The following WDPCP variants were observed in gnomAD, a reference collection of about 807,000 sequenced individuals.
The protein encoded by WDPCP is WD repeat-containing and planar cell polarity effector protein fritz homolog.
Under a neutral mutation model 93.1 loss-of-function variants are expected in WDPCP, and 71 were observed. The ratio of observed to expected loss-of-function variants is 0.76; its 90% CI spans 0.63 to 0.93. The LOEUF (loss-of-function observed/expected upper bound fraction) is 0.93. Ranked by LOEUF, WDPCP falls within the 40% of genes least tolerant of loss-of-function variation. The pLI is 0.00. For missense variants in WDPCP, 844 were observed against 887.4 expected (o/e 0.95, Z 0.62); for synonymous variants, 315 against 315.0 (o/e 1.00, Z 0.00).
chr2:63,135,683 T>C (rs549020395), intron 17 of WDPCP, among the ~76,000 whole-genome samples: 10 of 152,164 alleles, frequency 6.6e-5, no homozygotes, highest in Non-Finnish European at 1.5e-4. Flanking sequence ...AACATAATCC[T>C]CTCTTTATGT....
At chr2:63,222,304 G>A (rs749773924) in intron 14 of WDPCP, among the ~76,000 whole-genome samples, 3 of 152,132 alleles carry the variant, frequency 2.0e-5, no homozygotes, top group Non-Finnish European at 4.4e-5. Context: ...TACTGTTTAA[G>A]TTTAGCTTCT....
Position 63,212,483 on chromosome 2 carries a change from G to A in WDPCP, c.1916-37651C>T, listed in dbSNP as rs531536229. Among the ~76,000 whole-genome samples the A allele has an allele frequency of 4.5e-4, 68 of 152,270 alleles. No individual in the cohort carries two copies. The South Asian group carries it at 0.013, about 28-fold the overall frequency. ...CTGAAGGAAGCACTAAACATGGAAA[G>A]GAAGAAATGGTACCAGCCACTGCAA... On this transcript the variant is annotated intron_variant, in intron 14 of 17. Coordinates refer to ENST00000272321, the MANE Select transcript of WDPCP (RefSeq NM_015910.7).
chr2:63,776,081 A>G (rs1670298380), intron 2 of WDPCP, among the ~76,000 whole-genome samples: 2 of 91,580 alleles, frequency 2.2e-5, no homozygotes, highest in Admixed American at 1.4e-4. Flanking sequence ...ACATATACAT[A>G]CATACATACA....
At chr2:63,572,040 A>G (rs1444520777) in intron 1 of WDPCP, among the ~76,000 whole-genome samples, 4 of 152,220 alleles carry the variant, frequency 2.6e-5, no homozygotes, top group African/African-American at 9.6e-5. Context: ...CAAAGAAATC[A>G]GGCAAATCAC....
chr2:63,224,823 CAT>C (rs1254923318), intron 14 of WDPCP, among the ~76,000 whole-genome samples: 1 of 151,864 alleles, frequency 6.6e-6, no homozygotes, highest in Non-Finnish European at 1.5e-5. Flanking sequence ...TGTCATTGTA[CAT>C]ATATTTGTCT....
chr2:63,356,888 A>G (rs1690053910), intron 12 of WDPCP, among the ~76,000 whole-genome samples: 1 of 152,240 alleles, frequency 6.6e-6, no homozygotes, highest in Non-Finnish European at 1.5e-5. Flanking sequence ...CTACAGGGCT[A>G]TAGTAACTAA....
At chr2:63,809,609 T>C (rs1670831019) in intron 2 of WDPCP, among the ~76,000 whole-genome samples, 2 of 152,156 alleles carry the variant, frequency 1.3e-5, no homozygotes, top group South Asian at 2.1e-4. Context: ...TCTGTGACCT[T>C]ACCCCCAACC....
chr2:63,455,337 T>C lies in WDPCP; in HGVS notation c.385-15466A>G, dbSNP rs147900216. Among the ~76,000 whole-genome samples, 592 of 151,816 alleles carry C rather than the reference T, an allele frequency of 3.9e-3. 4 individuals carry two copies. The highest frequency in any genetic ancestry group is 0.013 in the African/African-American group (555 of 41,462). ...ATTAGATTCTCCACTTAAAAAGATA[T>C]AGACTGTTTGAACAGATTTTTAAAA... On this transcript the variant is annotated intron_variant, in intron 6 of 17. Transcript: ENST00000272321.
At chr2:63,482,258 A>G (rs1362239644) in intron 6 of WDPCP, among the ~76,000 whole-genome samples, 1 of 152,058 alleles carries the variant, frequency 6.6e-6, no homozygotes, top group Non-Finnish European at 1.5e-5. Context: ...ATTTCTTGGG[A>G]GAAAATGACG....
chr2:63,218,632 C>T (rs1265367208), intron 14 of WDPCP, among the ~76,000 whole-genome samples: 11 of 152,030 alleles, frequency 7.2e-5, no homozygotes, highest in African/African-American at 1.9e-4. Flanking sequence ...CGGGTTCAAG[C>T]GATTCTCCTC....
In WDPCP at chr2:63,624,742, A is replaced by G. The variant is rs1013308373; in HGVS notation, n.488+25917T>C. 3.9e-5 allele frequency among the ~76,000 whole-genome samples: 6 copies of G among 152,252 alleles called. No individual in the cohort carries two copies. The East Asian group carries it at 1.2e-3, about 29-fold the overall frequency. ...CCAGATGGATTCACAGCCGAATTCT[A>G]CCAAAGGTACAAAGAGGAGCTGGTA... On this transcript the variant is annotated intron_variant and non_coding_transcript_variant, in intron 3 of 4. Transcript: ENST00000467687.
At chr2:63,489,528 T>C (rs889401753) in intron 2 of WDPCP, among the ~76,000 whole-genome samples, 1 of 151,972 alleles carries the variant, frequency 6.6e-6, no homozygotes, top group African/African-American at 2.4e-5. Context: ...CAAAGCTCCT[T>C]AGAAGAGTGA....
chr2:63,513,630 T>C (rs1321302384), intron 1 of WDPCP, among the ~76,000 whole-genome samples: 3 of 152,190 alleles, frequency 2.0e-5, no homozygotes, highest in Non-Finnish European at 4.4e-5. Context: ...CTAGAAAGGT[T>C]ACTATCTCCT....
At chr2:63,575,329 ATATATGGTATATACTG>A (rs1347073359) in intron 1 of WDPCP, among the ~76,000 whole-genome samples, 35 of 145,358 alleles carry the variant, frequency 2.4e-4, no homozygotes, top group Middle Eastern at 3.8e-3. Context: ...TATACACAGT[ATATATGGTATATACTG>A]TATATGGTAT....
intron 2 of WDPCP, among the ~76,000 whole-genome samples, chr2:63,776,113 A>G (rs919147687): frequency 1.4e-5 from 2 of 143,714 alleles, no homozygotes; most frequent in Non-Finnish European, 3.1e-5. Flanking sequence ...ATACATACAT[A>G]CATACACAAG....
chr2:63,228,859 T>A (rs1678560990), intron 14 of WDPCP: 3 of 152,174 alleles, frequency 2.0e-5, no homozygotes, highest in African/African-American at 7.2e-5. Flanking sequence ...TGGTTCCAAG[T>A]CTTAGCTATT....
chr2:63,606,849 T>A (rs1444414853), intron 3 of WDPCP: 1 of 1,592,152 alleles, frequency 6.3e-7, no homozygotes, highest in Non-Finnish European at 8.5e-7. Context: ...TTATTTGCAT[T>A]ATTTTCAAAC....
intron 13 of WDPCP, among the ~76,000 whole-genome samples, chr2:63,279,644 CA>C (rs1416223526): frequency 6.6e-6 from 1 of 152,110 alleles, no homozygotes; most frequent in East Asian, 1.9e-4. Context: ...CAAGGGCATC[CA>C]AATTGGTAAA....
At chr2:63,187,680 T>C (rs2104178497) in intron 14 of WDPCP, among the ~76,000 whole-genome samples, 1 of 152,346 alleles carries the variant, frequency 6.6e-6, no homozygotes, top group Admixed American at 6.5e-5. Flanking sequence ...TTAACATAGA[T>C]TTATAATTGT....
Sources: gnomAD v4.1 joint callset for allele counts (sites outside exome capture counted in the v4.1 genomes callset) on GRCh38, gnomAD v4.1.1 for gene constraint, MANE v1.5 for transcripts, NCBI Gene and HGNC (gene_info 2026-07-23, HGNC 2026-07-21) for gene names.